Variants in IRS1 observed in about 807,000 individuals in gnomAD.
IRS1 encodes the protein insulin receptor substrate 1.
A neutral mutation model predicts 65.6 loss-of-function variants in IRS1; 34 were observed. The ratio of observed to expected loss-of-function variants is 0.52; its 90% CI spans 0.39 to 0.69. IRS1 has a LOEUF of 0.69. Ranked by LOEUF, IRS1 falls within the 30% of genes least tolerant of loss-of-function variation. The pLI is 0.00. For synonymous variants in IRS1, 699 were observed against 683.5 expected (o/e 1.02, Z -0.35); for missense variants, 1,641 against 1,720.2 (o/e 0.95, Z 0.81).
In IRS1 at chr2:226,799,663, C is replaced by CTCG; in HGVS notation, c.-926_-925insCGA. The CTCG allele has an allele frequency of 1.0e-6, 1 of 972,184 alleles. No homozygotes were observed. The highest frequency in any genetic ancestry group is 1.2e-6 in the Non-Finnish European group (1 of 805,320). The allele number at this position is 972,184 out of a possible 1,614,324, so 60.2% of individuals were successfully genotyped here. A position where few individuals can be genotyped will look rare whatever the true frequency, so the allele number is the denominator to read the frequency against. ...GCTGCAGTTACTTCTCCCCTCCTCC[C>CTCG]TCCTCCTCCTCCTCCTCGGAGAGTT... On this transcript the variant is annotated 5_prime_UTR_variant, in exon 1 of 2. Transcript: ENST00000305123. The surrounding 1 kb of genome is among the most constrained non-coding windows in gnomAD (Gnocchi z 6.1).
Position 226,756,144 on chromosome 2 carries a change from G to A in IRS1, c.*22-19894C>T, listed in dbSNP as rs113771283. 1.8e-3 allele frequency among the ~76,000 whole-genome samples: 276 copies of A among 152,322 alleles called. 1 individual carries two copies. The highest frequency in any genetic ancestry group is 6.3e-3 in the African/African-American group (260 of 41,572). Reference sequence around the variant, plus strand: ...ATATCAGTGGTAAGAAGGCTAGTAAGTTCAGGCAGATACAAGATTTAGGGG... The same window carrying A: ...ATATCAGTGGTAAGAAGGCTAGTAAATTCAGGCAGATACAAGATTTAGGGG... On this transcript the variant is annotated intron_variant, in intron 1 of 1. Transcript: ENST00000305123.
rs367626263 is a variant in IRS1 at position 226,796,665 on chromosome 2, C to T, written c.2074G>A (p.Gly692Arg). Reference sequence around the variant, plus strand: ...GTCCACAGCTTTCCATAGCTGGTCCCGGAAGGGACGGCGTTGCTGCTGCTG... The same window carrying T: ...GTCCACAGCTTTCCATAGCTGGTCCTGGAAGGGACGGCGTTGCTGCTGCTG... The part of the protein sequence containing the change: ...SSSSSNAVPS[G>R]TSYGKLWTNG... The change falls in exon 1 of 2, where the codon GGG (glycine) becomes AGG (arginine). Residue 692 changes from glycine to arginine, a missense_variant. By Grantham distance (125) the Gly-to-Arg change is moderately radical. Around this residue, in one of 3 missense-constraint regions of IRS1, gnomAD observed 1,324 missense variants for 1,361.0 expected, o/e 0.97. Coordinates refer to ENST00000305123, the MANE Select transcript of IRS1 (RefSeq NM_005544.3). 5.6e-5 allele frequency: 91 copies of T among 1,613,656 alleles called. No homozygotes were observed. In the East Asian group the frequency reaches 6.7e-4, roughly 12 times the overall value.
intron 1 of IRS1, among the ~76,000 whole-genome samples, chr2:226,742,074 G>A (rs1032786094): frequency 2.2e-4 from 33 of 152,206 alleles, no homozygotes; most frequent in African/African-American, 7.5e-4. Context: ...CTGGTCCAGC[G>A]CTATTAACTA....
intron 1 of IRS1, among the ~76,000 whole-genome samples, chr2:226,750,269 A>AAAAAAAT (rs760113451): frequency 6.6e-6 from 1 of 150,400 alleles, no homozygotes; most frequent in South Asian, 2.1e-4. Flanking sequence ...AAAAAAAAAA[A>AAAAAAAT]AGAATCATTA....
intron 1 of IRS1, among the ~76,000 whole-genome samples, chr2:226,745,907 G>T (rs1478858541): frequency 6.6e-6 from 1 of 152,170 alleles, no homozygotes; most frequent in Non-Finnish European, 1.5e-5. Context: ...TTTCAGAAAG[G>T]AGGAAGGGGA....
At chr2:226,776,133 C>CA (rs906082791) in intron 1 of IRS1, among the ~76,000 whole-genome samples, 10 of 150,702 alleles carry the variant, frequency 6.6e-5, no homozygotes, top group Non-Finnish European at 1.3e-4. Context: ...AGGGAATGCT[C>CA]AAAAAAAATA....
At chr2:226,780,799 C>A (rs1040290877) in intron 1 of IRS1, among the ~76,000 whole-genome samples, 2 of 152,084 alleles carry the variant, frequency 1.3e-5, no homozygotes, top group Non-Finnish European at 2.9e-5. Flanking sequence ...ATTGTTAAAT[C>A]TGAATTTTTT....
At chr2:226,768,914 CG>C (rs1419706037) in intron 1 of IRS1, among the ~76,000 whole-genome samples, 1 of 152,146 alleles carries the variant, frequency 6.6e-6, no homozygotes, top group Admixed American at 6.5e-5. Context: ...GGATTACAGG[CG>C]TGAGCCACCG....
At chr2:226,751,480 T>TAGTAGAC (rs1224036080) in intron 1 of IRS1, among the ~76,000 whole-genome samples, 1 of 152,052 alleles carries the variant, frequency 6.6e-6, no homozygotes, top group Non-Finnish European at 1.5e-5. Context: ...AGACGGGGTT[T>TAGTAGAC]CACCGTGTTA....
rs775628845 is a variant in IRS1, at chr2:226,798,358, G to A, written c.381C>T (p.Leu127=). The change falls in exon 1 of 2, where the codon CTC becomes CTT. Residue 127 remains leucine, a synonymous_variant. Transcript: ENST00000305123. This position sits in a 1 kb window ranked among gnomAD's most constrained non-coding sequence, Gnocchi z 9.4. ...AKGHHDGAAA[L]GAGGGGGSCS... Reference sequence around the variant, plus strand: ...AGCTGCCCCCACCACCTCCCGCCCCGAGGGCCGCAGCTCCGTCGTGGTGGC... The same window carrying A: ...AGCTGCCCCCACCACCTCCCGCCCCAAGGGCCGCAGCTCCGTCGTGGTGGC... 1.9e-6 allele frequency: 3 copies of A among 1,613,584 alleles called. No homozygotes were observed. The highest frequency in any genetic ancestry group is 2.7e-5 in the African/African-American group (2 of 75,038).
At position 226,797,967 on chromosome 2, in the gene IRS1, G is replaced by T. The variant is rs866580419; in HGVS notation, c.772C>A (p.Arg258=). ...NMHETILEAM[R]AMSDEFRPRS... Reference sequence around the variant, plus strand: ...GGGCGGAACTCATCACTCATGGCCCGCATGGCCTCCAGGATGGTCTCGTGC... The same window carrying T: ...GGGCGGAACTCATCACTCATGGCCCTCATGGCCTCCAGGATGGTCTCGTGC... The change falls in exon 1 of 2, where the codon CGG becomes AGG. Residue 258 remains arginine (R), a synonymous_variant. Coordinates refer to ENST00000305123, the MANE Select transcript of IRS1 (RefSeq NM_005544.3). The surrounding 1 kb of genome is among the most constrained non-coding windows in gnomAD (Gnocchi z 8.1). 7 of 1,614,056 alleles carry T rather than the reference G, an allele frequency of 4.3e-6. No homozygotes were observed. Among genetic ancestry groups the T allele is most frequent in the Non-Finnish European group, 5.9e-6 (7 of 1,180,016 alleles).
At position 226,799,350 on chromosome 2, in the gene IRS1, C is replaced by G. The variant is rs1355085236; in HGVS notation, c.-612G>C. ...CAGCTCAGTCGCAGAGACCGCGGCG[C>G]TGCGGCTGTTGCTGTTGCTGCTGCT... On this transcript the variant is annotated 5_prime_UTR_variant, in exon 1 of 2. Transcript: ENST00000305123. The surrounding 1 kb of genome is among the most constrained non-coding windows in gnomAD (Gnocchi z 6.1). 7.9e-7 allele frequency: 1 copy of G among 1,259,728 alleles called. No individual in the cohort carries two copies. The highest frequency in any genetic ancestry group is 1.0e-6 in the Non-Finnish European group (1 of 969,202). The allele number at this position is 1,259,728 out of a possible 1,614,324, so 78.0% of individuals were successfully genotyped here.
intron 1 of IRS1, among the ~76,000 whole-genome samples, chr2:226,747,296 G>A (rs1286066157): frequency 6.6e-6 from 1 of 152,044 alleles, no homozygotes; most frequent in Non-Finnish European, 1.5e-5. Context: ...TTTATATGTT[G>A]AGATCCTAAC....
intron 1 of IRS1, among the ~76,000 whole-genome samples, chr2:226,769,731 T>C (rs774305442): frequency 6.6e-6 from 1 of 152,212 alleles, no homozygotes; most frequent in Non-Finnish European, 1.5e-5. Flanking sequence ...TAGAAAACTT[T>C]CTATTTATGA....
At chr2:226,788,317 T>G (rs1471728058) in intron 1 of IRS1, among the ~76,000 whole-genome samples, 1 of 152,154 alleles carries the variant, frequency 6.6e-6, no homozygotes, top group Admixed American at 6.5e-5. Flanking sequence ...TTAAGAAAAC[T>G]GCAACTAGAA....
chr2:226,766,143 ATATATATATATATATATATATT>A (rs1459548423), intron 1 of IRS1, among the ~76,000 whole-genome samples: 1 of 3,656 alleles, frequency 2.7e-4, no homozygotes, highest in Non-Finnish European at 8.7e-4. Flanking sequence ...ATATATATAT[ATATATATATATATATATATATT>A]TTTTTTTTTT....
intron 1 of IRS1, among the ~76,000 whole-genome samples, chr2:226,775,199 G>C (rs1358599276): frequency 6.6e-6 from 1 of 152,182 alleles, no homozygotes; most frequent in African/African-American, 2.4e-5. Context: ...AGAGGTAGGA[G>C]AATAAGGTGC....
intron 1 of IRS1, among the ~76,000 whole-genome samples, chr2:226,792,899 A>C (rs761545855): frequency 2.6e-5 from 4 of 152,258 alleles, no homozygotes; most frequent in Middle Eastern, 3.2e-3. Flanking sequence ...TAAATGTGCC[A>C]GGTAGCATTT....
At chr2:226,780,594 G>A (rs1939361265) in intron 1 of IRS1, among the ~76,000 whole-genome samples, 1 of 152,062 alleles carries the variant, frequency 6.6e-6, no homozygotes, top group African/African-American at 2.4e-5. Context: ...AGCTACTGTT[G>A]GAAGCACAAA....
Sources: gnomAD v4.1 joint callset for allele counts (sites outside exome capture counted in the v4.1 genomes callset) on GRCh38, gnomAD v4.1.1 for gene constraint, gnomAD v4.1.1 regional missense constraint, Gnocchi (gnomAD v3.1) non-coding constraint, MANE v1.5 for transcripts, NCBI Gene and HGNC (gene_info 2026-07-23, HGNC 2026-07-21) for gene names.